CEP72: variants seen among roughly 807,000 people sequenced by gnomAD.
The protein encoded by CEP72 is centrosomal protein of 72 kDa.
A neutral mutation model predicts 65.7 loss-of-function variants in CEP72; 78 were observed. The ratio of observed to expected loss-of-function variants is 1.19; its 90% confidence interval spans 0.99 to 1.43. The LOEUF is 1.43. CEP72 is among the 40% of genes most tolerant of loss of function. The probability of loss-of-function intolerance (pLI) is 0.00; values close to 1 mark genes in which losing one functional copy is unlikely to be tolerated. For synonymous variants in CEP72, 358 were observed against 351.7 expected (o/e 1.02, Z -0.20); for missense variants, 914 against 832.9 (o/e 1.10, Z -1.20).
At position 628,421 on chromosome 5, in the gene CEP72, C is replaced by T. The variant is rs1273421861; in HGVS notation, c.512+3842C>T. On this transcript the variant is annotated intron_variant, in intron 4 of 11. Transcript: ENST00000264935. The stretch of plus-strand genomic sequence containing the variant: ...GCTTCTGGAGAACTCAGGTCACAGG[C>T]CCCGGGGATTGGCCCCAGGACCCAG... Among the ~76,000 whole-genome samples the T allele has an allele frequency of 4.6e-3, 671 of 147,210 alleles. 3 individuals carry two copies. The highest frequency in any genetic ancestry group is 0.012 in the Admixed American group (174 of 14,698).
chr5:663,731 G>C (rs1739779218), intron 2 of CEP72: 1 of 152,538 alleles, frequency 6.6e-6, no homozygotes, highest in Admixed American at 6.5e-5. Flanking sequence ...GCCAGAGCCT[G>C]ACCGTAGCCA....
rs2126794075 is a variant in CEP72 at position 640,500 on chromosome 5, C to T, written c.1435C>T (p.Leu479=). The change falls in exon 9 of 12, where the codon CTG becomes TTG. Residue 479 remains leucine, a synonymous_variant. Transcript: ENST00000264935. ...GGGTGAAGATGTCGGCTCCCTGGCT[C>T]TGGAGAGTAAGTCCCTGCAAAGCCG... ...MVGEDVGSLA[L]ESKSLQSRLA... 2 of 1,614,162 alleles carry T rather than the reference C, an allele frequency of 1.2e-6. No individual in the cohort carries two copies. Among genetic ancestry groups the T allele is most frequent in the Middle Eastern group, 1.6e-4 (1 of 6,062 alleles).
chr5:613,246 G>A (rs1308835529), intron 1 of CEP72, among the ~76,000 whole-genome samples: 2 of 152,212 alleles, frequency 1.3e-5, no homozygotes, highest in African/African-American at 4.8e-5. Flanking sequence ...GTTCAGTCAG[G>A]TGCTGTGGGG....
chr5:643,015 G>A, intron 9 of CEP72: 5 of 985,504 alleles, frequency 5.1e-6, no homozygotes, highest in Non-Finnish European at 6.0e-6. Context: ...CTTGGGTGCA[G>A]TCGGTCCTCT....
chr5:612,538 C>T (rs1281360781), intron 1 of CEP72, 95 bp downstream of exon 1: 1 of 1,264,866 alleles, frequency 7.9e-7, no homozygotes, highest in Non-Finnish European at 9.9e-7. Context: ...GCAGGCGGGA[C>T]CCGTCTACGC....
downstream of CEP72, among the ~76,000 whole-genome samples, chr5:667,979 G>C (rs561854546): frequency 2.3e-4 from 13 of 56,370 alleles, 5 homozygotes; most frequent in Non-Finnish European, 3.8e-4. Context: ...CAAGCACACA[G>C]AGAGGGGGCC....
chr5:629,309 G>A (rs889644056), intron 4 of CEP72, among the ~76,000 whole-genome samples: 7 of 152,268 alleles, frequency 4.6e-5, no homozygotes, highest in Admixed American at 6.5e-5. Context: ...TTGATCACGT[G>A]TATCTCCTTG....
rs115065588 is a variant in CEP72, at chr5:621,595, C to T, written c.403+1334C>T. On this transcript the variant is annotated intron_variant, in intron 3 of 11. Coordinates refer to ENST00000264935, the MANE Select transcript of CEP72 (RefSeq NM_018140.4). ...AGTTCGTGTGACGTCAGCAAAGCTG[C>T]ACACCAGAGGTGGGAAAACAGGTGG... Among the ~76,000 whole-genome samples the T allele has an allele frequency of 4.7e-3, 720 of 152,342 alleles. 3 individuals are homozygous for T. Among genetic ancestry groups the T allele is most frequent in the Admixed American group, 7.8e-3 (120 of 15,302 alleles).
At chr5:675,167 AGAATGCAACATGGAGGGTACGG>A in the CEP72 span, among the ~76,000 whole-genome samples, 24 of 13,706 alleles carry the variant, frequency 1.8e-3, no homozygotes, top group South Asian at 3.1e-3. Flanking sequence ...AGTGTGGCTG[AGAATGCAACATGGAGGGTACGG>A]TGTGGCCAGG....
intron 11 of CEP72, among the ~76,000 whole-genome samples, chr5:649,374 T>C (rs1394233149): frequency 8.1e-6 from 1 of 123,184 alleles, no homozygotes. Flanking sequence ...GAGGTGTGAC[T>C]GTGAGGTGTG....
chr5:646,251 T>A, intron 10 of CEP72, among the ~76,000 whole-genome samples: 1 of 152,264 alleles, frequency 6.6e-6, no homozygotes, highest in Non-Finnish European at 1.5e-5. Flanking sequence ...TTATTGCTAA[T>A]TCTTCCCTGA....
intron 3 of CEP72, among the ~76,000 whole-genome samples, chr5:622,387 G>T (rs1736450335): frequency 6.6e-6 from 1 of 152,262 alleles, no homozygotes; most frequent in Non-Finnish European, 1.5e-5. Flanking sequence ...GGCACTGGGG[G>T]CTGGCAGTTG....
intron 11 of CEP72, among the ~76,000 whole-genome samples, chr5:648,801 GCGTGGAC>G (rs2126814988): frequency 7.2e-6 from 1 of 139,148 alleles, no homozygotes; most frequent in Admixed American, 7.0e-5. Flanking sequence ...TGACTGTGAG[GCGTGGAC>G]TGTGAGGTGT....
rs189143023 is a variant in CEP72, at chr5:621,359, T to A, written c.403+1098T>A. Reference sequence around the variant, plus strand: ...CCCACTGCGAGTGCCCTGAACAGGCTGTTTTCCACGGCTGTGGGGAGCATT... The same window carrying A: ...CCCACTGCGAGTGCCCTGAACAGGCAGTTTTCCACGGCTGTGGGGAGCATT... On this transcript the variant is annotated intron_variant, in intron 3 of 11. Transcript: ENST00000264935. Among the ~76,000 whole-genome samples the A allele has an allele frequency of 1.2e-3, 187 of 152,364 alleles. 3 individuals carry two copies. The East Asian group carries it at 0.034, about 27-fold the overall frequency.
chr5:642,949 C>G, intron 9 of CEP72: 16 of 985,448 alleles, frequency 1.6e-5, no homozygotes, highest in Non-Finnish European at 1.9e-5. Context: ...GCAAGGTGGC[C>G]CCACTTCCAG....
chr5:648,723 GTGACTGTGAGGCA>G (rs376029466), intron 11 of CEP72, among the ~76,000 whole-genome samples: 12,473 of 88,308 alleles, frequency 0.14, 2,954 homozygotes, highest in Non-Finnish European at 0.17. Flanking sequence ...ACTGTGAGGC[GTGACTGTGAGGCA>G]TGACTGTGAG....
downstream of CEP72, among the ~76,000 whole-genome samples, chr5:667,352 G>A (rs1739962954): frequency 6.6e-6 from 1 of 152,194 alleles, no homozygotes; most frequent in Non-Finnish European, 1.5e-5. Context: ...TGGAGCTGGA[G>A]CAACTGGTGA....
At chr5:613,345 C>T (rs1236188783) in intron 1 of CEP72, among the ~76,000 whole-genome samples, 4 of 151,842 alleles carry the variant, frequency 2.6e-5, no homozygotes, top group African/African-American at 7.3e-5. Context: ...TGGAAGGAGG[C>T]CTCAATCCAT....
chr5:640,394 G>C lies in CEP72; in HGVS notation c.1343-14G>C. ...AGCCTAAGTGCTAATGTAATATTTG[G>C]TTTTCACTCCTAGCTCAGGCAAGAC... On this transcript the variant is annotated splice_polypyrimidine_tract_variant and intron_variant, in intron 8 of 11. Coordinates refer to ENST00000264935, the MANE Select transcript of CEP72 (RefSeq NM_018140.4). 6.2e-7 allele frequency: 1 copy of C among 1,608,670 alleles called. No individual in the cohort carries two copies. Among genetic ancestry groups the C allele is most frequent in the Non-Finnish European group, 8.5e-7 (1 of 1,176,114 alleles).
Sources: allele counts gnomAD v4.1 joint callset (sites outside exome capture counted in the v4.1 genomes callset), GRCh38; gene constraint gnomAD v4.1.1; transcripts MANE v1.5; gene names NCBI Gene and HGNC (gene_info 2026-07-23, HGNC 2026-07-21).